Variants in NBAS observed in about 807,000 individuals in gnomAD.
NBAS encodes NAG/BC035112 fusion.
Under a neutral mutation model 302.5 loss-of-function variants are expected in NBAS, and 219 were observed. That is an observed-to-expected ratio of 0.72 (90% CI 0.65 to 0.81). The LOEUF (loss-of-function observed/expected upper bound fraction) is 0.81, where lower values mean the gene tolerates loss of function less well. Among genes scored for constraint, NBAS ranks in the 30% least tolerant of loss-of-function variants. The pLI is 0.00. For synonymous variants in NBAS, 1,118 were observed against 1,021.6 expected, an observed-to-expected ratio of 1.09 and a Z score of -1.80; for missense variants, 2,932 against 2,841.6, an observed-to-expected ratio of 1.03 and a Z score of -0.72.
the NBAS span, among the ~76,000 whole-genome samples, chr2:14,840,984 T>A: frequency 0.51 from 77,148 of 151,724 alleles, 20,365 homozygotes; most frequent in African/African-American, 0.66. Flanking sequence ...ACATGTTAAG[T>A]GATAGGCAAT....
chr2:15,436,460 A>G (rs923371096), intron 21 of NBAS, among the ~76,000 whole-genome samples: 9 of 152,200 alleles, frequency 5.9e-5, no homozygotes, highest in African/African-American at 2.2e-4. Context: ...AAACCCTCCA[A>G]TGACAGAAAA....
chr2:15,017,240 A>T, the NBAS span, among the ~76,000 whole-genome samples: 1 of 152,144 alleles, frequency 6.6e-6, no homozygotes, highest in Non-Finnish European at 1.5e-5. Flanking sequence ...GAAATACGTC[A>T]GGACATGGAT....
chr2:15,050,442 C>T, the NBAS span, among the ~76,000 whole-genome samples: 1 of 152,052 alleles, frequency 6.6e-6, no homozygotes, highest in African/African-American at 2.4e-5. Flanking sequence ...TATATCAAAC[C>T]ACACCCAGCA....
the NBAS span, among the ~76,000 whole-genome samples, chr2:15,143,117 G>A: frequency 2.0e-5 from 3 of 152,294 alleles, no homozygotes; most frequent in African/African-American, 7.2e-5. Context: ...CAGAAGATCT[G>A]GAAGCCTACT....
intron 26 of NBAS, among the ~76,000 whole-genome samples, chr2:15,400,596 G>GA (rs758557679): frequency 6.6e-6 from 1 of 152,146 alleles, no homozygotes; most frequent in Non-Finnish European, 1.5e-5. Flanking sequence ...ACCTACCAGT[G>GA]AAAGTATTTG....
Position 15,535,522 on chromosome 2 carries a change from A to G in NBAS, c.648-881T>C, listed in dbSNP as rs552719509. Among the ~76,000 whole-genome samples, 71 of 134,184 alleles carry G rather than the reference A, an allele frequency of 5.3e-4. 1 individual carries two copies. The highest frequency in any genetic ancestry group is 1.9e-3 in the African/African-American group (68 of 35,904). 88.0% of individuals were successfully genotyped at this position (134,184 alleles called of 152,430 possible). ...GGGCGACAGAGCAAGACTCCGTCTC[A>G]GAAATAAATAAATAAATAAATAAAT... On this transcript the variant is annotated intron_variant, in intron 8 of 51. Coordinates refer to ENST00000281513, the MANE Select transcript of NBAS (RefSeq NM_015909.4).
the NBAS span, among the ~76,000 whole-genome samples, chr2:15,071,810 G>T: frequency 2.0e-5 from 3 of 152,014 alleles, no homozygotes; most frequent in Admixed American, 6.6e-5. Flanking sequence ...CAACAAATGA[G>T]CATGTCTCAT....
At chr2:14,881,969 G>T in the NBAS span, among the ~76,000 whole-genome samples, 1 of 152,026 alleles carries the variant, frequency 6.6e-6, no homozygotes, top group South Asian at 2.1e-4. Context: ...AACAAAGATG[G>T]GGACAAAAAT....
At chr2:15,091,736 T>C in the NBAS span, among the ~76,000 whole-genome samples, 1 of 152,178 alleles carries the variant, frequency 6.6e-6, no homozygotes, top group South Asian at 2.1e-4. Flanking sequence ...CTTCGCCATA[T>C]TGGCCAGGCT....
chr2:15,053,007 G>A, the NBAS span, among the ~76,000 whole-genome samples: 1 of 152,110 alleles, frequency 6.6e-6, no homozygotes, highest in Non-Finnish European at 1.5e-5. Flanking sequence ...AATAATTTAT[G>A]TATTGTATTT....
At chr2:14,988,506 G>A in the NBAS span, among the ~76,000 whole-genome samples, 1 of 152,110 alleles carries the variant, frequency 6.6e-6, no homozygotes, top group Admixed American at 6.6e-5. Context: ...CAATTTCAGG[G>A]TGCTTCGGCT....
rs866198275 is a variant in NBAS, at chr2:15,280,280, G to C, written c.5139-3179C>G. On this transcript the variant is annotated intron_variant, in intron 42 of 51. Coordinates refer to ENST00000281513, the MANE Select transcript of NBAS (RefSeq NM_015909.4). ...ATTTAAATACATTTTTCTTTACTCA[G>C]CTGAGATGGAGTGATTATAAAATTT... 1.4e-4 allele frequency among the ~76,000 whole-genome samples: 22 copies of C among 152,148 alleles called. No homozygotes were observed. In the Middle Eastern group the frequency reaches 0.01, roughly 71 times the overall value.
At chr2:15,160,343 G>A in the NBAS span, among the ~76,000 whole-genome samples, 3 of 152,184 alleles carry the variant, frequency 2.0e-5, no homozygotes, top group Admixed American at 2.0e-4. Context: ...TGGGGTGGCA[G>A]GCGATGAGAG....
At chr2:14,930,922 C>T in the NBAS span, among the ~76,000 whole-genome samples, 38 of 152,282 alleles carry the variant, frequency 2.5e-4, no homozygotes, top group Middle Eastern at 3.4e-3. Flanking sequence ...TTACAAGCTC[C>T]GCTACTAACT....
chr2:14,934,112 G>T, the NBAS span, among the ~76,000 whole-genome samples: 1 of 152,100 alleles, frequency 6.6e-6, no homozygotes, highest in Admixed American at 6.6e-5. Flanking sequence ...TTTACAAATG[G>T]AAAGGCTAGA....
intron 25 of NBAS, among the ~76,000 whole-genome samples, chr2:15,412,066 T>C (rs1185008858): frequency 6.6e-6 from 1 of 152,030 alleles, no homozygotes; most frequent in African/African-American, 2.4e-5. Flanking sequence ...GCATAAGAGA[T>C]GGTTTCAAAG....
chr2:15,467,689 G>A lies in NBAS; in HGVS notation c.1993C>T (p.Leu665=). The A allele has an allele frequency of 2.5e-6, 4 of 1,612,528 alleles. No homozygotes were observed. Among genetic ancestry groups the A allele is most frequent in the Non-Finnish European group, 3.4e-6 (4 of 1,179,056 alleles). Residue 665 remains leucine (L), a synonymous_variant, in exon 18 of 52, where the codon CTA becomes TTA. Transcript: ENST00000281513. ...TTGGAAAAGTTCACTAATTTCAGTA[G>A]TTCTTGTCTCTTCTTGAGCTCCTTT... ...KEKELKKRQE[L]LKLVNFSKLT... is the part of the protein sequence containing the mutation.
chr2:14,829,742 G>T, the NBAS span, among the ~76,000 whole-genome samples: 3 of 152,124 alleles, frequency 2.0e-5, no homozygotes, highest in Admixed American at 6.5e-5. Context: ...ACTCCCTCAG[G>T]GGCTCCATTT....
At chr2:15,418,210 C>T (rs1410004285) in intron 23 of NBAS, among the ~76,000 whole-genome samples, 1 of 152,128 alleles carries the variant, frequency 6.6e-6, no homozygotes, top group African/African-American at 2.4e-5. Flanking sequence ...TAAATATTTG[C>T]TGAATAACTA....
Sources: allele counts gnomAD v4.1 joint callset (sites outside exome capture counted in the v4.1 genomes callset), GRCh38; gene constraint gnomAD v4.1.1; transcripts MANE v1.5; gene names NCBI Gene and HGNC (gene_info 2026-07-23, HGNC 2026-07-21).